Variants in HPN observed in about 807,000 individuals in gnomAD.
HPN encodes the protein serine protease hepsin.
A neutral mutation model predicts 55.9 loss-of-function variants in HPN; 13 were observed. The ratio of observed to expected loss-of-function variants is 0.23; its 90% CI spans 0.15 to 0.37. The LOEUF (loss-of-function observed/expected upper bound fraction) is 0.37, where lower values mean the gene tolerates loss of function less well. HPN is among the 10% of genes least tolerant of loss of function. The pLI is 1.00. For synonymous variants in HPN, 225 were observed against 240.3 expected, an observed-to-expected ratio of 0.94 and a Z score of 0.59; for missense variants, 451 against 575.8, an observed-to-expected ratio of 0.78 and a Z score of 2.22.
intron 9 of HPN, among the ~76,000 whole-genome samples, chr19:35,065,019 G>A (rs1271367611): frequency 1.3e-5 from 2 of 151,968 alleles, no homozygotes; most frequent in Admixed American, 6.6e-5. Context: ...ATGAGGTTTC[G>A]CCACGTTGGC....
Position 35,065,574 on chromosome 19 carries a change from C to A in HPN, c.943C>A (p.Pro315Thr). 4 of 1,614,120 alleles carry A rather than the reference C, an allele frequency of 2.5e-6. No individual in the cohort carries two copies. The highest frequency in any genetic ancestry group is 3.4e-6 in the Non-Finnish European group (4 of 1,180,022). Residue 315 changes from proline to threonine, a missense_variant, in exon 11 of 13, where the codon CCC becomes ACC. This residue lies in a region of HPN where 378 missense variants were observed against 445.5 expected (regional missense o/e 0.85). Transcript: ENST00000672452. ...CGGGGTACTCCAGGAGGCTCGAGTC[C>A]CCATAATCAGCAATGATGTCTGCAA... Reference protein sequence around the residue: ...QAGVLQEARVPIISNDVCNGA... With the variant: ...QAGVLQEARVTIISNDVCNGA...
chr19:35,059,419 C>CTA, intron 4 of HPN: 2 of 620,514 alleles, frequency 3.2e-6, no homozygotes, highest in Non-Finnish European at 5.9e-6. Flanking sequence ...GAGGTCAAGG[C>CTA]TACAGTGAGC....
intron 2 of HPN, among the ~76,000 whole-genome samples, chr19:35,046,915 G>T (rs988122059): frequency 3.3e-5 from 5 of 151,774 alleles, no homozygotes; most frequent in African/African-American, 4.8e-5. Context: ...TGCAAGCTCT[G>T]CCTCCCGGGT....
Position 35,065,642 on chromosome 19 carries a change from C to A in HPN, c.1011C>A (p.Phe337Leu). 3 of 1,614,194 alleles carry A rather than the reference C, an allele frequency of 1.9e-6. No individual in the cohort carries two copies. Among genetic ancestry groups the A allele is most frequent in the Non-Finnish European group, 2.5e-6 (3 of 1,180,022 alleles). Residue 337 changes from phenylalanine to leucine, a missense_variant, in exon 11 of 13, where the codon TTC (phenylalanine) becomes TTA (leucine). Phe to Leu is a conservative substitution (Grantham distance 22). This residue lies in a region of HPN where 73 missense variants were observed against 130.3 expected (regional missense o/e 0.56). Coordinates refer to ENST00000672452, the MANE Select transcript of HPN (RefSeq NM_001384133.1). ...FYGNQIKPKMFCAGYPEGGID... is the reference protein window; with the variant it reads ...FYGNQIKPKMLCAGYPEGGID... ...GAAACCAGATCAAGCCCAAGATGTT[C>A]TGTGCTGGCTACCCCGAGGGTGGCA...
intron 2 of HPN, among the ~76,000 whole-genome samples, chr19:35,043,571 C>T (rs1459578862): frequency 6.6e-6 from 1 of 152,192 alleles, no homozygotes. Context: ...GCCTGAAATG[C>T]CAGGATGGGC....
rs374260159 is a variant in HPN, at chr19:35,063,447, G to A, written c.812-1803G>A. On this transcript the variant is annotated intron_variant, in intron 9 of 12. Coordinates refer to ENST00000672452, the MANE Select transcript of HPN (RefSeq NM_001384133.1). ...ACCCTGTCCTGACATGGTGGCTCAC[G>A]CCTGTAATCCCAGCACTTTGAGAGG... 7.6e-4 allele frequency among the ~76,000 whole-genome samples: 115 copies of A among 152,280 alleles called. 1 individual carries two copies. In the South Asian group the frequency reaches 0.022, roughly 29 times the overall value.
chr19:35,054,415 C>T (rs1040485598), intron 4 of HPN, among the ~76,000 whole-genome samples: 1 of 125,676 alleles, frequency 8.0e-6, no homozygotes, highest in African/African-American at 3.0e-5. Flanking sequence ...AAGATTATGT[C>T]TCAAAAAAAA....
At chr19:35,051,532 CCA>C (rs1371669174) in intron 4 of HPN, among the ~76,000 whole-genome samples, 1 of 152,168 alleles carries the variant, frequency 6.6e-6, no homozygotes, top group Non-Finnish European at 1.5e-5. Context: ...CAGGTGTGCA[CCA>C]CCACAACCCA....
At chr19:35,048,028 A>AGAAAGAAAGAAAGAAAGAAAGAAAG (rs150953006) in intron 2 of HPN, among the ~76,000 whole-genome samples, 2 of 87,396 alleles carry the variant, frequency 2.3e-5, no homozygotes, top group Non-Finnish European at 4.7e-5. Flanking sequence ...GAGAGAGAGA[A>AGAAAGAAAGAAAGAAAGAAAGAAAG]AAAGAAAGAA....
rs975022280 is a variant in HPN at position 35,041,837 on chromosome 19, ACCTCGAGGCTCCGCC to A, written c.-87_-73del. On this transcript the variant is annotated 5_prime_UTR_variant, in exon 1 of 13. Transcript: ENST00000672452. Reference sequence around the variant, plus strand: ...TGGAGACTGACCCGACCCCGGCACTACCTCGAGGCTCCGCCCCCACCTGCTGGACCCCAGGGTAAG... The same window carrying A: ...TGGAGACTGACCCGACCCCGGCACTACCCACCTGCTGGACCCCAGGGTAAG... The A allele has an allele frequency of 2.9e-5, 39 of 1,342,320 alleles. No homozygotes were observed. Among genetic ancestry groups the A allele is most frequent in the Non-Finnish European group, 3.7e-5 (38 of 1,017,656 alleles). 83.2% of individuals were successfully genotyped at this position (1,342,320 alleles called of 1,614,324 possible).
Position 35,042,453 on chromosome 19 carries a change from G to T in HPN, c.-54G>T. ...TGCCTCCCCGTCCATCTCCTCACAG[G>T]TCCCACCCTGGCCCAGGAGGTCAGC... is the stretch of plus-strand genomic sequence containing the variant. On this transcript the variant is annotated splice_region_variant and 5_prime_UTR_variant, in exon 2 of 13. Coordinates refer to ENST00000672452, the MANE Select transcript of HPN (RefSeq NM_001384133.1). The T allele has an allele frequency of 6.3e-7, 1 of 1,581,506 alleles. No individual in the cohort carries two copies. The highest frequency in any genetic ancestry group is 1.7e-4 in the Middle Eastern group (1 of 6,006).
At chr19:35,048,810 TGA>T (rs1159230416) in intron 2 of HPN, among the ~76,000 whole-genome samples, 2 of 152,160 alleles carry the variant, frequency 1.3e-5, no homozygotes, top group African/African-American at 4.8e-5. Context: ...CTGGGTACCA[TGA>T]GAGAGGTCTG....
At chr19:35,040,936 A>C (rs1357686989), upstream of HPN, among the ~76,000 whole-genome samples, 2 of 152,188 alleles carry the variant, frequency 1.3e-5, no homozygotes, top group Non-Finnish European at 2.9e-5. Flanking sequence ...TGGGGCAAGC[A>C]GCCGAGGCCG....
At chr19:35,052,438 G>T (rs1301011207) in intron 4 of HPN, among the ~76,000 whole-genome samples, 1 of 148,384 alleles carries the variant, frequency 6.7e-6, no homozygotes, top group African/African-American at 2.5e-5. Context: ...TGAGGCAGGA[G>T]AACTGTTTGA....
chr19:35,044,960 G>A (rs950153945), intron 2 of HPN, among the ~76,000 whole-genome samples: 12 of 152,052 alleles, frequency 7.9e-5, no homozygotes, highest in African/African-American at 1.9e-4. Flanking sequence ...GCAGGCTGTC[G>A]GGGGAGGGGA....
chr19:35,061,529 G>A (rs889023862), intron 9 of HPN, among the ~76,000 whole-genome samples: 1 of 151,626 alleles, frequency 6.6e-6, no homozygotes, highest in Non-Finnish European at 1.5e-5. Context: ...GGGAGGTGGA[G>A]ATTGCAGTGA....
At chr19:35,042,570 G>A (rs1337430569) in intron 2 of HPN, 48 bp downstream of exon 2, 24 of 1,510,428 alleles carry the variant, frequency 1.6e-5, no homozygotes, top group Middle Eastern at 1.7e-4. Context: ...CTGGCGCCCC[G>A]CCCTCTGTGC....
chr19:35,048,082 A>AAAAAGG (rs1555723025), intron 2 of HPN, among the ~76,000 whole-genome samples: 8,546 of 96,444 alleles, frequency 0.089, 986 homozygotes, highest in Admixed American at 0.14. Flanking sequence ...GAAAGAAAGA[A>AAAAAGG]AAGGAAGGAA....
intron 2 of HPN, among the ~76,000 whole-genome samples, chr19:35,043,604 T>C (rs7249456): frequency 0.041 from 6,264 of 152,254 alleles, 427 homozygotes; most frequent in African/African-American, 0.14. Context: ...GCGTGTTGGC[T>C]GAAATGATTA....
Sources: allele counts gnomAD v4.1 joint callset (sites outside exome capture counted in the v4.1 genomes callset), GRCh38; gene constraint gnomAD v4.1.1; regional missense constraint gnomAD v4.1.1; transcripts MANE v1.5; gene names NCBI Gene and HGNC (gene_info 2026-07-23, HGNC 2026-07-21).